Variants in PTPN14 observed in about 807,000 individuals in gnomAD.
PTPN14 encodes the protein protein tyrosine phosphatase non-receptor type 14, also known as tyrosine-protein phosphatase non-receptor type 14.
PTPN14 carries 53 observed loss-of-function variants against 126.8 expected under a neutral mutation model. That is an observed-to-expected ratio of 0.42 (90% CI 0.34 to 0.53). The LOEUF is 0.53. Among genes scored for constraint, PTPN14 ranks in the 20% least tolerant of loss-of-function variants. PTPN14 has a pLI of 0.08. For synonymous variants in PTPN14, 630 were observed against 599.3 expected (o/e 1.05, Z -0.75); for missense variants, 1,257 against 1,552.9 (o/e 0.81, Z 3.20).
At position 214,374,313 on chromosome 1, in the gene PTPN14, T is replaced by C. The variant is rs558586641; in HGVS notation, c.2908-1474A>G. Among the ~76,000 whole-genome samples, 3 of 152,202 alleles carry C rather than the reference T, an allele frequency of 2.0e-5. No individual in the cohort carries two copies. In the East Asian group the frequency reaches 5.8e-4, roughly 29 times the overall value. On this transcript the variant is annotated intron_variant, in intron 15 of 18. Transcript: ENST00000366956. ...TTTAGGTCAAAGCTGGCAAGAAAAA[T>C]CCATTTTCCAAATACTGGTGGGAGA... is the stretch of plus-strand genomic sequence containing the variant.
At chr1:214,468,362 C>A (rs1350349664) in intron 1 of PTPN14, among the ~76,000 whole-genome samples, 1 of 152,118 alleles carries the variant, frequency 6.6e-6, no homozygotes, top group Admixed American at 6.5e-5. Flanking sequence ...TTGAGACCAG[C>A]CTGGCCAACA....
chr1:214,490,709 C>G (rs542333703), intron 1 of PTPN14, among the ~76,000 whole-genome samples: 1 of 150,630 alleles, frequency 6.6e-6, no homozygotes, highest in Non-Finnish European at 1.5e-5. Flanking sequence ...TGGTGGTGCG[C>G]GCCTGTAATC....
chr1:214,399,691 A>ATAAT (rs1329418285), intron 7 of PTPN14, among the ~76,000 whole-genome samples: 1 of 152,130 alleles, frequency 6.6e-6, no homozygotes, highest in Non-Finnish European at 1.5e-5. Flanking sequence ...ATTTTCTCGA[A>ATAAT]TAATTACCTT....
intron 3 of PTPN14, among the ~76,000 whole-genome samples, chr1:214,429,546 ATC>A (rs1282714103): frequency 6.6e-6 from 1 of 152,226 alleles, no homozygotes; most frequent in Admixed American, 6.5e-5. Context: ...CAAGGACTTC[ATC>A]TGTTTTGTTC....
At chr1:214,358,788 G>C (rs1337856994) in intron 18 of PTPN14, among the ~76,000 whole-genome samples, 2 of 151,096 alleles carry the variant, frequency 1.3e-5, no homozygotes, top group Non-Finnish European at 2.9e-5. Flanking sequence ...TGTTGCCCAG[G>C]CTGGAGTGTA....
At chr1:214,407,799 C>T (rs183016383) in intron 5 of PTPN14, among the ~76,000 whole-genome samples, 1 of 151,858 alleles carries the variant, frequency 6.6e-6, no homozygotes, top group Non-Finnish European at 1.5e-5. Flanking sequence ...ATCCTTTGCC[C>T]AGAACACAAC....
In PTPN14 at chr1:214,397,937, A is replaced by G. The variant is rs1242588140; in HGVS notation, c.734T>C (p.Ile245Thr). Residue 245 changes from isoleucine (I) to threonine (T), a missense_variant, in exon 8 of 19, where the codon ATT (isoleucine) becomes ACT (threonine). This residue lies in a region of PTPN14 where 1,021 missense variants were observed against 1,183.3 expected (regional missense o/e 0.86). Coordinates refer to ENST00000366956, the MANE Select transcript of PTPN14 (RefSeq NM_005401.5). ...FFMGIFVRNRIGRQAVIYRWN... is the reference protein window; with the variant it reads ...FFMGIFVRNRTGRQAVIYRWN... ...CCTGTATATTACCGCTTGTCTTCCA[A>G]TTCTGTTCCTCACGAAAATCCCCAT... The G allele has an allele frequency of 3.7e-6, 6 of 1,611,708 alleles. No individual in the cohort carries two copies. Among genetic ancestry groups the G allele is most frequent in the African/African-American group, 1.3e-5 (1 of 74,882 alleles).
At chr1:214,521,309 A>G (rs1006292860) in intron 1 of PTPN14, among the ~76,000 whole-genome samples, 1 of 152,224 alleles carries the variant, frequency 6.6e-6, no homozygotes, top group Admixed American at 6.5e-5. Context: ...TACCTGCTCT[A>G]GCTAAGATAT....
chr1:214,525,941 C>G (rs1655381832), intron 1 of PTPN14, among the ~76,000 whole-genome samples: 1 of 149,900 alleles, frequency 6.7e-6, no homozygotes, highest in Admixed American at 6.7e-5. Flanking sequence ...AAGGGACTCT[C>G]AAGGAACAAG....
intron 1 of PTPN14, among the ~76,000 whole-genome samples, chr1:214,535,915 T>G (rs374254870): frequency 6.6e-6 from 1 of 152,172 alleles, no homozygotes; most frequent in African/African-American, 2.4e-5. Flanking sequence ...TGACCTACAT[T>G]AGAAATTCCA....
In PTPN14 at chr1:214,386,849, G is replaced by A. The variant is rs1658627477; in HGVS notation, c.1061C>T (p.Ser354Leu). The A allele has an allele frequency of 8.8e-6, 14 of 1,596,028 alleles. No individual in the cohort carries two copies. Among genetic ancestry groups the A allele is most frequent in the Middle Eastern group, 1.7e-4 (1 of 6,038 alleles). The change falls in exon 12 of 19, where the codon TCG becomes TTG. Residue 354 changes from serine (S) to leucine (L), a missense_variant. Around this residue, in one of 3 missense-constraint regions of PTPN14, gnomAD observed 1,021 missense variants for 1,183.3 expected, o/e 0.86. Coordinates refer to ENST00000366956, the MANE Select transcript of PTPN14 (RefSeq NM_005401.5). ...CGEHYSETHTSQDSIFHGNEE... is the reference protein window; with the variant it reads ...CGEHYSETHTLQDSIFHGNEE... ...GAACGGCAAGCCAGAGTTACCTTGCGAGGTGTGCGTTTCCGAGTAGTGCTC... is the reference window on the plus strand; with the variant it reads ...GAACGGCAAGCCAGAGTTACCTTGCAAGGTGTGCGTTTCCGAGTAGTGCTC...
chr1:214,471,860 A>C (rs1175401015), intron 1 of PTPN14, among the ~76,000 whole-genome samples: 1 of 152,230 alleles, frequency 6.6e-6, no homozygotes, highest in Non-Finnish European at 1.5e-5. Flanking sequence ...AGCCAACAGC[A>C]TGTGTATATC....
chr1:214,406,615 T>C (rs988754594), intron 5 of PTPN14, among the ~76,000 whole-genome samples: 44 of 152,264 alleles, frequency 2.9e-4, no homozygotes, highest in African/African-American at 1.0e-3. Flanking sequence ...AGAGAGCCAT[T>C]TTAGATCCAA....
At chr1:214,482,562 G>A (rs1444019740) in intron 1 of PTPN14, among the ~76,000 whole-genome samples, 1 of 113,978 alleles carries the variant, frequency 8.8e-6, no homozygotes, top group Non-Finnish European at 1.8e-5. Flanking sequence ...ATGGGCACCC[G>A]AATGCAGTTT....
intron 3 of PTPN14, among the ~76,000 whole-genome samples, chr1:214,420,901 G>A (rs956284638): frequency 1.3e-5 from 2 of 152,190 alleles, no homozygotes; most frequent in African/African-American, 2.4e-5. Context: ...AGTTAGCATC[G>A]AAAGAAAATA....
chr1:214,444,708 C>G (rs983762306), intron 3 of PTPN14, among the ~76,000 whole-genome samples: 4 of 152,048 alleles, frequency 2.6e-5, no homozygotes. Context: ...TTCCTGAAAC[C>G]TAGTTTAAGC....
rs543676404 is a variant in PTPN14, at chr1:214,464,715, C to T, written c.89G>A (p.Ser30Asn). The change falls in exon 2 of 19, where the codon AGC (serine) becomes AAC (asparagine). Residue 30 changes from serine (S) to asparagine (N), a missense_variant. Physicochemically the swap from Ser to Asn is conservative, Grantham distance 46. Around this residue, in one of 3 missense-constraint regions of PTPN14, gnomAD observed 1,021 missense variants for 1,183.3 expected, o/e 0.86. Coordinates refer to ENST00000366956, the MANE Select transcript of PTPN14 (RefSeq NM_005401.5). Reference protein sequence around the residue: ...CFVTRIRLLDSNVIECTLSVE... With the variant: ...CFVTRIRLLDNNVIECTLSVE... The stretch of plus-strand genomic sequence containing the variant: ...CGACAGCGTGCACTCGATAACATTG[C>T]TGTCCAGCAGGCGAATCCGTGTGAC... The T allele has an allele frequency of 6.2e-7, 1 of 1,614,286 alleles. No homozygotes were observed. Among genetic ancestry groups the T allele is most frequent in the South Asian group, 1.1e-5 (1 of 91,090 alleles).
At chr1:214,439,549 C>T (rs138933946) in intron 3 of PTPN14, among the ~76,000 whole-genome samples, 9 of 152,142 alleles carry the variant, frequency 5.9e-5, no homozygotes, top group South Asian at 2.1e-4. Flanking sequence ...AAACGTCAGG[C>T]GAAATGTCTA....
chr1:214,402,930 A>C lies in PTPN14; in HGVS notation c.534T>G (p.Val178=). 6.2e-7 allele frequency: 1 copy of C among 1,613,970 alleles called. No individual in the cohort carries two copies. The highest frequency in any genetic ancestry group is 1.6e-4 in the Middle Eastern group (1 of 6,062). ...CTACCTTCTGGGTCAGCTCCTCCAG[A>C]ACAGCCTCTTCCAGGGCCAAATCCT... ...FPMDLALEEA[V]LEELTQKVAQ... Residue 178 remains valine, a synonymous_variant, in exon 6 of 19, where the codon GTT becomes GTG. Transcript: ENST00000366956.
Sources: allele counts gnomAD v4.1 joint callset (sites outside exome capture counted in the v4.1 genomes callset), GRCh38; gene constraint gnomAD v4.1.1; regional missense constraint gnomAD v4.1.1; transcripts MANE v1.5; gene names NCBI Gene and HGNC (gene_info 2026-07-23, HGNC 2026-07-21).